SGCZ: variants seen among roughly 807,000 people sequenced by gnomAD.
SGCZ encodes zeta-sarcoglycan.
In SGCZ, 40 loss-of-function variants were observed where a neutral mutation model predicts 41.3. The ratio of observed to expected loss-of-function variants is 0.97; its 90% CI spans 0.75 to 1.26. The LOEUF (loss-of-function observed/expected upper bound fraction) is 1.26, where lower values mean the gene tolerates loss of function less well. Among genes scored for constraint, SGCZ ranks in the 50% most tolerant of loss-of-function variants. The probability of loss-of-function intolerance (pLI) is 0.00; values close to 1 mark genes in which losing one functional copy is unlikely to be tolerated. For synonymous variants in SGCZ, 206 were observed against 137.5 expected, an observed-to-expected ratio of 1.50 and a Z score of -3.49; for missense variants, 552 against 369.8, an observed-to-expected ratio of 1.49 and a Z score of -4.04.
intron 1 of SGCZ, among the ~76,000 whole-genome samples, chr8:15,026,387 A>T (rs1004206935): frequency 6.6e-6 from 1 of 152,206 alleles, no homozygotes; most frequent in Non-Finnish European, 1.5e-5. Context: ...TTTAATCATC[A>T]AGAGATTTTG....
intron 1 of SGCZ, among the ~76,000 whole-genome samples, chr8:15,036,076 C>G (rs1470075322): frequency 1.3e-5 from 2 of 151,518 alleles, no homozygotes; most frequent in Non-Finnish European, 2.9e-5. Flanking sequence ...AAGCAAAAAT[C>G]CACAGACCTT....
chr8:15,108,794 G>T (rs1413799721), intron 1 of SGCZ, among the ~76,000 whole-genome samples: 1 of 152,134 alleles, frequency 6.6e-6, no homozygotes, highest in Non-Finnish European at 1.5e-5. Context: ...CGTCTATGCT[G>T]TGTGGTGTGT....
At chr8:14,135,702 C>A (rs1221360039) in intron 5 of SGCZ, among the ~76,000 whole-genome samples, 1 of 152,168 alleles carries the variant, frequency 6.6e-6, no homozygotes, top group African/African-American at 2.4e-5. Context: ...GATAGTTTTA[C>A]TGGAGAATTC....
At chr8:14,701,716 C>A (rs1486786259) in intron 1 of SGCZ, among the ~76,000 whole-genome samples, 1 of 151,800 alleles carries the variant, frequency 6.6e-6, no homozygotes, top group Admixed American at 6.6e-5. Flanking sequence ...AATCATGAGA[C>A]CTTCTTTCTC....
At chr8:14,907,708 G>A (rs986612853) in intron 1 of SGCZ, among the ~76,000 whole-genome samples, 2 of 152,012 alleles carry the variant, frequency 1.3e-5, no homozygotes, top group Non-Finnish European at 2.9e-5. Context: ...AATTGAGTGC[G>A]TCCATTAGGG....
chr8:14,377,361 T>C (rs889726158), intron 2 of SGCZ, among the ~76,000 whole-genome samples: 12 of 152,116 alleles, frequency 7.9e-5, no homozygotes, highest in African/African-American at 2.9e-4. Context: ...CCTATGTGTC[T>C]CCTTCATTTG....
chr8:14,883,859 A>C (rs1236903506), intron 1 of SGCZ, among the ~76,000 whole-genome samples: 1 of 150,918 alleles, frequency 6.6e-6, no homozygotes, highest in African/African-American at 2.4e-5. Flanking sequence ...TCTACCTTCA[A>C]ATATCATAAG....
intron 1 of SGCZ, among the ~76,000 whole-genome samples, chr8:14,569,432 T>C (rs974645985): frequency 6.6e-6 from 1 of 152,250 alleles, no homozygotes; most frequent in Non-Finnish European, 1.5e-5. Flanking sequence ...TTCTTGTTTC[T>C]TTCCTTAGCT....
At chr8:15,194,861 G>GT (rs1356777073) in intron 1 of SGCZ, among the ~76,000 whole-genome samples, 18 of 152,198 alleles carry the variant, frequency 1.2e-4, no homozygotes, top group African/African-American at 4.3e-4. Flanking sequence ...TATAAGGTAA[G>GT]TTTGTGTTGT....
At chr8:14,250,459 G>C (rs1799246223) in intron 3 of SGCZ, among the ~76,000 whole-genome samples, 1 of 152,034 alleles carries the variant, frequency 6.6e-6, no homozygotes, top group South Asian at 2.1e-4. Flanking sequence ...ATACCTCCAT[G>C]TTATAATCAG....
chr8:14,358,601 T>A (rs1216531868), intron 2 of SGCZ, among the ~76,000 whole-genome samples: 2 of 152,162 alleles, frequency 1.3e-5, no homozygotes, highest in African/African-American at 4.8e-5. Context: ...TAGACAAATA[T>A]CCTGTAAGGT....
intron 1 of SGCZ, among the ~76,000 whole-genome samples, chr8:15,103,325 T>C (rs1026352): frequency 0.96 from 145,794 of 152,122 alleles, 70,025 homozygotes; most frequent in Middle Eastern, 1. Context: ...CAGTTGAACC[T>C]GGGAGGCAGA....
At chr8:14,182,289 T>G (rs1300808953) in intron 4 of SGCZ, among the ~76,000 whole-genome samples, 1 of 152,188 alleles carries the variant, frequency 6.6e-6, no homozygotes, top group Non-Finnish European at 1.5e-5. Flanking sequence ...GCCAAGGCCA[T>G]GATGCCCAGC....
intron 2 of SGCZ, among the ~76,000 whole-genome samples, chr8:14,512,013 C>T (rs930185538): frequency 1.3e-5 from 2 of 152,102 alleles, no homozygotes; most frequent in African/African-American, 4.8e-5. Flanking sequence ...GGGTTTTAAA[C>T]ATAGGGCAAC....
At chr8:14,107,329 G>A (rs1802237384) in intron 6 of SGCZ, among the ~76,000 whole-genome samples, 1 of 151,890 alleles carries the variant, frequency 6.6e-6, no homozygotes, top group South Asian at 2.1e-4. Context: ...TAATTATCCT[G>A]GGAAGAATTC....
At chr8:14,294,978 C>A (rs546263911) in intron 3 of SGCZ, among the ~76,000 whole-genome samples, 1 of 152,240 alleles carries the variant, frequency 6.6e-6, no homozygotes, top group South Asian at 2.1e-4. Flanking sequence ...ATATGGCAAT[C>A]ATTTTGGTAA....
At chr8:14,429,862 C>G (rs1021773893) in intron 2 of SGCZ, among the ~76,000 whole-genome samples, 1 of 151,910 alleles carries the variant, frequency 6.6e-6, no homozygotes, top group African/African-American at 2.4e-5. Flanking sequence ...TTAAGGGTAT[C>G]TAATTCTTCC....
At chr8:14,772,152 G>A (rs560873150) in intron 1 of SGCZ, among the ~76,000 whole-genome samples, 8 of 152,256 alleles carry the variant, frequency 5.3e-5, no homozygotes, top group East Asian at 1.9e-4. Flanking sequence ...TGTGTTAGAT[G>A]GTTTTGCCCA....
At chr8:14,905,576 C>G (rs4831315) in intron 1 of SGCZ, among the ~76,000 whole-genome samples, 99,189 of 151,798 alleles carry the variant, frequency 0.65, 35,440 homozygotes, top group Non-Finnish European at 0.8. Context: ...CAAAGTGCAC[C>G]AGAGAAAAAT....
Sources: allele counts gnomAD v4.1 joint callset (sites outside exome capture counted in the v4.1 genomes callset), GRCh38; gene constraint gnomAD v4.1.1; transcripts MANE v1.5; gene names NCBI Gene and HGNC (gene_info 2026-07-23, HGNC 2026-07-21).